ACTR3C: variants seen among roughly 807,000 people sequenced by gnomAD.
ACTR3C encodes the protein actin-related protein 3C.
Under a neutral mutation model 26.3 loss-of-function variants are expected in ACTR3C, and 18 were observed. That is an observed-to-expected ratio of 0.68 (90% CI 0.47 to 1.01). The LOEUF is 1.01. ACTR3C is among the 50% of genes least tolerant of loss of function. ACTR3C has a pLI of 0.00. For missense variants in ACTR3C, 184 were observed against 250.7 expected (o/e 0.73, Z 1.80); for synonymous variants, 55 against 94.5 (o/e 0.58, Z 2.42).
At chr7:150,128,979 G>A in the ACTR3C span, among the ~76,000 whole-genome samples, 5 of 150,576 alleles carry the variant, frequency 3.3e-5, no homozygotes, top group African/African-American at 1.2e-4. Context: ...AAAGCCCAGA[G>A]TTCCAGGAGT....
At chr7:150,152,714 G>A in the ACTR3C span, among the ~76,000 whole-genome samples, 2 of 152,226 alleles carry the variant, frequency 1.3e-5, no homozygotes, top group South Asian at 4.2e-4. Flanking sequence ...AGAAGGAATG[G>A]TACCAGTTCC....
the ACTR3C span, among the ~76,000 whole-genome samples, chr7:150,147,543 T>G: frequency 6.6e-6 from 1 of 152,210 alleles, no homozygotes; most frequent in African/African-American, 2.4e-5. Context: ...TTCTCTCTCT[T>G]TCATCCATCC....
the ACTR3C span, among the ~76,000 whole-genome samples, chr7:150,129,859 T>A: frequency 6.6e-6 from 1 of 152,198 alleles, no homozygotes. Flanking sequence ...GAAACATAAG[T>A]AATCTAGAAT....
chr7:150,117,565 G>A, the ACTR3C span, among the ~76,000 whole-genome samples: 1 of 152,220 alleles, frequency 6.6e-6, no homozygotes, highest in Non-Finnish European at 1.5e-5. Flanking sequence ...ATCTCTGAAA[G>A]AAAGGCAGCA....
At chr7:149,933,005 C>T in the ACTR3C span, among the ~76,000 whole-genome samples, 40 of 147,508 alleles carry the variant, frequency 2.7e-4, 1 homozygote, top group South Asian at 8.5e-3. Context: ...GTGGAAGGCT[C>T]AGTAGAGAGC....
chr7:149,907,478 T>TTCTCTTC, the ACTR3C span, among the ~76,000 whole-genome samples: 2,178 of 97,634 alleles, frequency 0.022, 45 homozygotes, highest in Non-Finnish European at 0.035. Flanking sequence ...CTCTCTTCTC[T>TTCTCTTC]TCTCTCTCTC....
chr7:150,184,534 C>A, the ACTR3C span, among the ~76,000 whole-genome samples: 1 of 150,106 alleles, frequency 6.7e-6, no homozygotes, highest in Non-Finnish European at 1.5e-5. Flanking sequence ...CTTGAGAAAA[C>A]ACTCACACCG....
the ACTR3C span, among the ~76,000 whole-genome samples, chr7:149,943,205 T>C: frequency 7.3e-6 from 1 of 137,590 alleles, no homozygotes; most frequent in East Asian, 2.1e-4. Context: ...GAGTAGTTGA[T>C]ACAAAAACTG....
chr7:150,140,052 A>ATGCACACACACACG, the ACTR3C span, among the ~76,000 whole-genome samples: 3,765 of 152,086 alleles, frequency 0.025, 160 homozygotes, highest in African/African-American at 0.086. Context: ...TCGCACACAC[A>ATGCACACACACACG]TGCACACACA....
At chr7:150,127,821 C>T in the ACTR3C span, among the ~76,000 whole-genome samples, 79 of 150,876 alleles carry the variant, frequency 5.2e-4, no homozygotes, top group African/African-American at 1.4e-3. Context: ...CTAAAGGCAC[C>T]GTTACATCTA....
chr7:150,087,489 C>A, the ACTR3C span, among the ~76,000 whole-genome samples: 1 of 152,252 alleles, frequency 6.6e-6, no homozygotes, highest in Non-Finnish European at 1.5e-5. Context: ...AGGACTATGA[C>A]CCTGGAGGTG....
chr7:149,993,430 G>C, the ACTR3C span, among the ~76,000 whole-genome samples: 1 of 152,122 alleles, frequency 6.6e-6, no homozygotes, highest in African/African-American at 2.4e-5. Context: ...CCCTCGCTTA[G>C]AGGACCACCA....
At chr7:149,969,182 T>A in the ACTR3C span, among the ~76,000 whole-genome samples, 1 of 152,200 alleles carries the variant, frequency 6.6e-6, no homozygotes, top group Non-Finnish European at 1.5e-5. Context: ...GCTGTCTTCG[T>A]TCTTGGACAG....
At chr7:150,156,567 G>A in the ACTR3C span, among the ~76,000 whole-genome samples, 1 of 151,990 alleles carries the variant, frequency 6.6e-6, no homozygotes, top group South Asian at 2.1e-4. Flanking sequence ...GAGAGAGAGA[G>A]AGAGGAGAAA....
At chr7:150,164,737 GTTTC>G in the ACTR3C span, among the ~76,000 whole-genome samples, 1 of 151,970 alleles carries the variant, frequency 6.6e-6, no homozygotes, top group African/African-American at 2.4e-5. Flanking sequence ...TATTTTGTTT[GTTTC>G]TTCTTTTTTA....
At chr7:149,953,010 C>T in the ACTR3C span, among the ~76,000 whole-genome samples, 34 of 150,986 alleles carry the variant, frequency 2.3e-4, no homozygotes, top group Admixed American at 4.0e-4. Flanking sequence ...GATATATGTA[C>T]GAAAAACGGC....
At chr7:150,078,585 A>G in the ACTR3C span, among the ~76,000 whole-genome samples, 2 of 151,346 alleles carry the variant, frequency 1.3e-5, no homozygotes, top group African/African-American at 4.9e-5. Context: ...CAGTTCTAGG[A>G]TTCCTCCCAT....
chr7:150,047,993 G>A, the ACTR3C span: 11 of 1,196,674 alleles, frequency 9.2e-6, no homozygotes, highest in East Asian at 9.0e-5. Flanking sequence ...GCCCAGCGCC[G>A]GCGACCGCTC....
chr7:149,933,270 CCCATAGGAA>C, the ACTR3C span, among the ~76,000 whole-genome samples: 1 of 151,540 alleles, frequency 6.6e-6, no homozygotes, highest in Admixed American at 6.6e-5. Context: ...CCCCACCATC[CCCATAGGAA>C]AAATAATTTG....
Sources: allele counts gnomAD v4.1 joint callset (sites outside exome capture counted in the v4.1 genomes callset), GRCh38; gene constraint gnomAD v4.1.1; transcripts MANE v1.5; gene names NCBI Gene and HGNC (gene_info 2026-07-23, HGNC 2026-07-21).